Variants in SEC14L1 observed in about 807,000 individuals in gnomAD.
SEC14L1 encodes the protein SEC14-like protein 1.
Under a neutral mutation model 85.3 loss-of-function variants are expected in SEC14L1, and 48 were observed. That is an observed-to-expected ratio of 0.56 (90% CI 0.45 to 0.72). The LOEUF is 0.72. Ranked by LOEUF, SEC14L1 falls within the 30% of genes least tolerant of loss-of-function variation. The probability of loss-of-function intolerance (pLI) is 0.00; values close to 1 mark genes in which losing one functional copy is unlikely to be tolerated. For synonymous variants in SEC14L1, 391 were observed against 355.5 expected (o/e 1.10, Z -1.12); for missense variants, 682 against 921.4 (o/e 0.74, Z 3.36).
At chr17:77,166,576 A>G (rs1388396113) in intron 3 of SEC14L1, among the ~76,000 whole-genome samples, 1 of 152,206 alleles carries the variant, frequency 6.6e-6, no homozygotes, top group African/African-American at 2.4e-5. Flanking sequence ...GCAGTGGCTT[A>G]TGGCTGTAAT....
At chr17:77,098,447 C>T (rs952376503) in intron 3 of SEC14L1, among the ~76,000 whole-genome samples, 8 of 151,702 alleles carry the variant, frequency 5.3e-5, no homozygotes, top group Non-Finnish European at 1.0e-4. Context: ...TGCAGTAAGC[C>T]ATCGTCGTGC....
chr17:77,108,409 A>T (rs1433509671), intron 3 of SEC14L1, among the ~76,000 whole-genome samples: 2 of 152,080 alleles, frequency 1.3e-5, no homozygotes, highest in Non-Finnish European at 2.9e-5. Flanking sequence ...GGTAACTGAA[A>T]CAGAGGGCCA....
chr17:77,091,812 A>AG (rs1971524328), intron 2 of SEC14L1, among the ~76,000 whole-genome samples: 1 of 151,588 alleles, frequency 6.6e-6, no homozygotes, highest in African/African-American at 2.4e-5. Context: ...ACAGTTTATG[A>AG]AATTTTTTTT....
At chr17:77,121,344 T>C (rs1471063586) in intron 3 of SEC14L1, among the ~76,000 whole-genome samples, 2 of 152,294 alleles carry the variant, frequency 1.3e-5, no homozygotes, top group Non-Finnish European at 2.9e-5. Context: ...CCACTATTTA[T>C]TGAGGCCATA....
chr17:77,148,053 G>T (rs556371926), intron 3 of SEC14L1, among the ~76,000 whole-genome samples: 2 of 152,196 alleles, frequency 1.3e-5, no homozygotes, highest in Admixed American at 6.5e-5. Flanking sequence ...GGGTGCTTGA[G>T]TTGAAGTGTT....
rs1279974700 is a variant in SEC14L1 at position 77,214,380 on chromosome 17, G to A, written c.*357G>A. 2.0e-6 allele frequency: 2 copies of A among 1,016,626 alleles called. No homozygotes were observed. Among genetic ancestry groups the A allele is most frequent in the Non-Finnish European group, 2.4e-6 (2 of 848,604 alleles). 63.0% of individuals were successfully genotyped at this position (1,016,626 alleles called of 1,614,324 possible). A position where few individuals can be genotyped will look rare whatever the true frequency, so the allele number is the denominator to read the frequency against. On this transcript the variant is annotated 3_prime_UTR_variant, in exon 17 of 17. Transcript: ENST00000436233. ...AACGAACTCCGCATTGTCCATTAGT[G>A]AATGAATTCCTGTGACATCCTCCAG...
upstream of SEC14L1, among the ~76,000 whole-genome samples, chr17:77,140,034 CG>C (rs1972929461): frequency 6.6e-6 from 1 of 152,148 alleles, no homozygotes; most frequent in East Asian, 1.9e-4. Flanking sequence ...CTAATGTGAA[CG>C]GAACAACAGT....
chr17:77,205,261 C>G lies in SEC14L1; in HGVS notation c.1099-15C>G. ...AAACTAATCATGGTAAATTTTCATGCCCTTTTGTATGTAGGTTCTCTCCAT... is the reference window on the plus strand; with the variant it reads ...AAACTAATCATGGTAAATTTTCATGGCCTTTTGTATGTAGGTTCTCTCCAT... On this transcript the variant is annotated splice_polypyrimidine_tract_variant and intron_variant, in intron 10 of 16. Transcript: ENST00000436233. 6.2e-7 allele frequency: 1 copy of G among 1,611,434 alleles called. No individual in the cohort carries two copies. Among genetic ancestry groups the G allele is most frequent in the East Asian group, 2.2e-5 (1 of 44,852 alleles).
intron 3 of SEC14L1, among the ~76,000 whole-genome samples, chr17:77,190,355 T>A (rs763149674): frequency 3.3e-5 from 5 of 152,324 alleles, no homozygotes; most frequent in Admixed American, 1.3e-4. Context: ...CTGTATTTTG[T>A]CCCATAGATC....
At position 77,213,476 on chromosome 17, in the gene SEC14L1, G is replaced by A. The variant is rs773798440; in HGVS notation, c.2026G>A (p.Gly676Ser). 50 of 1,609,160 alleles carry A rather than the reference G, an allele frequency of 3.1e-5. No individual in the cohort carries two copies. Among genetic ancestry groups the A allele is most frequent in the Non-Finnish European group, 3.6e-5 (43 of 1,180,008 alleles). The change falls in exon 16 of 17, where the codon GGC becomes AGC. Residue 676 changes from glycine (G) to serine (S), a missense_variant. Coordinates refer to ENST00000436233, the MANE Select transcript of SEC14L1 (RefSeq NM_001143998.2). The surrounding 1 kb of genome is among the most constrained non-coding windows in gnomAD (Gnocchi z 7.1). ...AGTGATGTACTACACCGAGGTGATC[G>A]GCTCGGAGGATTTCAGGTGCGGCCA... ...CKVMYYTEVI[G>S]SEDFRGSMTS...
intron 3 of SEC14L1, among the ~76,000 whole-genome samples, chr17:77,108,197 A>G (rs1342558675): frequency 1.3e-5 from 2 of 152,224 alleles, no homozygotes; most frequent in African/African-American, 4.8e-5. Context: ...AATGTGCTCA[A>G]TAAAGCCCAT....
At chr17:77,128,884 A>C (rs1972531227) in intron 3 of SEC14L1, among the ~76,000 whole-genome samples, 1 of 152,156 alleles carries the variant, frequency 6.6e-6, no homozygotes, top group African/African-American at 2.4e-5. Flanking sequence ...TAGCTTATGT[A>C]GCTCATAATT....
chr17:77,164,896 T>C (rs1418327784), intron 3 of SEC14L1, among the ~76,000 whole-genome samples: 1 of 152,184 alleles, frequency 6.6e-6, no homozygotes, highest in South Asian at 2.1e-4. Context: ...CAGTCTCATG[T>C]TTACATTTAT....
Position 77,112,867 on chromosome 17 carries a change from CA to C in SEC14L1, c.-136+19532del, listed in dbSNP as rs372904192. Among the ~76,000 whole-genome samples, 343 of 131,172 alleles carry C rather than the reference CA, an allele frequency of 2.6e-3. 1 individual carries two copies. Among genetic ancestry groups the C allele is most frequent in the South Asian group, 0.015 (64 of 4,186 alleles). 86.1% of individuals were successfully genotyped at this position (131,172 alleles called of 152,430 possible). On this transcript the variant is annotated intron_variant, in intron 3 of 19. Coordinates refer to the SEC14L1 transcript ENST00000392476. ...CCAGCCTGGGCGACAGAGCGAGACT[CA>C]AAAAAAAAAAAGAGTACTTAGGCAT...
intron 3 of SEC14L1, among the ~76,000 whole-genome samples, chr17:77,118,249 A>G (rs1252294388): frequency 6.6e-6 from 1 of 152,184 alleles, no homozygotes; most frequent in Non-Finnish European, 1.5e-5. Context: ...GCGGTCTTTC[A>G]AGGGTGCCCA....
At chr17:77,192,538 G>C (rs3826282) in intron 5 of SEC14L1, among the ~76,000 whole-genome samples, 12,446 of 152,120 alleles carry the variant, frequency 0.082, 703 homozygotes, top group East Asian at 0.28. Flanking sequence ...CAAGGTGCTC[G>C]CTGTGCCGTG....
chr17:77,114,480 C>A (rs145269829), intron 3 of SEC14L1, among the ~76,000 whole-genome samples: 3 of 150,182 alleles, frequency 2.0e-5, no homozygotes. Flanking sequence ...GCCGAGATCG[C>A]GCCACTGCAC....
chr17:77,180,089 TTA>T (rs1307475615), intron 3 of SEC14L1, among the ~76,000 whole-genome samples: 127 of 147,046 alleles, frequency 8.6e-4, no homozygotes, highest in African/African-American at 3.1e-3. Flanking sequence ...TTATGTTATG[TTA>T]TGTTATGTTA....
At chr17:77,130,542 C>T (rs1357714297) in intron 3 of SEC14L1, among the ~76,000 whole-genome samples, 6 of 152,074 alleles carry the variant, frequency 3.9e-5, no homozygotes, top group Non-Finnish European at 5.9e-5. Context: ...AAGCTGTTCT[C>T]GAACTCCTGG....
Sources: gnomAD v4.1 joint callset for allele counts (sites outside exome capture counted in the v4.1 genomes callset) on GRCh38, gnomAD v4.1.1 for gene constraint, Gnocchi (gnomAD v3.1) non-coding constraint, MANE v1.5 for transcripts, NCBI Gene and HGNC (gene_info 2026-07-23, HGNC 2026-07-21) for gene names.